The following PTGR1 variants were observed in gnomAD, a reference collection of about 807,000 sequenced individuals.
The protein encoded by PTGR1 is 15-oxoprostaglandin 13-reductase.
A neutral mutation model predicts 37.7 loss-of-function variants in PTGR1; 23 were observed. The ratio of observed to expected loss-of-function variants is 0.61; its 90% CI spans 0.44 to 0.86. The LOEUF is 0.86. PTGR1 is among the 40% of genes least tolerant of loss of function. PTGR1 has a pLI of 0.00. For synonymous variants in PTGR1, 134 were observed against 140.0 expected (o/e 0.96, Z 0.30); for missense variants, 351 against 394.3 (o/e 0.89, Z 0.93).
intron 2 of PTGR1, 126 bp from the exon 3 acceptor site, chr9:111,594,393 C>A: frequency 1.3e-6 from 1 of 772,748 alleles, no homozygotes; most frequent in South Asian, 1.5e-5. Context: ...CATGAGGTAC[C>A]ATGCTCACTG....
At chr9:111,561,113 A>AGAGAGAGAGAGC (rs1828292644), downstream of PTGR1, among the ~76,000 whole-genome samples, 1 of 46,402 alleles carries the variant, frequency 2.2e-5, no homozygotes, top group Non-Finnish European at 3.9e-5. Flanking sequence ...ATATATATAG[A>AGAGAGAGAGAGC]GAGAGAGAGA....
chr9:111,551,356 AATATACTTAAT>A (rs933937945), intron 9 of PTGR1, among the ~76,000 whole-genome samples: 6 of 151,376 alleles, frequency 4.0e-5, no homozygotes, highest in Non-Finnish European at 8.8e-5. Context: ...TGTTGTTCTA[AATATACTTAAT>A]TTTCCAATAA....
chr9:111,587,166 G>T (rs574805281), intron 4 of PTGR1, among the ~76,000 whole-genome samples: 1 of 151,956 alleles, frequency 6.6e-6, no homozygotes, highest in African/African-American at 2.4e-5. Flanking sequence ...TTCCCTCATT[G>T]GTTCCCAGGG....
At chr9:111,569,845 T>C (rs1378693275) in intron 9 of PTGR1, 1 of 528,744 alleles carries the variant, frequency 1.9e-6, no homozygotes, top group Admixed American at 3.3e-5. Flanking sequence ...AGGTATTTTG[T>C]TATAAAAGGG....
At position 111,554,839 on chromosome 9, in the gene PTGR1, A is replaced by T. The variant is rs192434913; in HGVS notation, c.880-5040T>A. On this transcript the variant is annotated intron_variant, in intron 9 of 9. Transcript: ENST00000538962. The stretch of plus-strand genomic sequence containing the variant: ...CCACTGTATTTTACCCAAGGGAGAC[A>T]ATCCAAAGTCTAATCTGCTCAGGGT... 2.0e-3 allele frequency among the ~76,000 whole-genome samples: 307 copies of T among 152,360 alleles called. 1 individual carries two copies. The highest frequency in any genetic ancestry group is 0.01 in the Middle Eastern group (3 of 294).
intron 9 of PTGR1, among the ~76,000 whole-genome samples, chr9:111,552,828 C>G (rs542300305): frequency 6.6e-6 from 1 of 152,188 alleles, no homozygotes; most frequent in East Asian, 1.9e-4. Flanking sequence ...AAAATATATT[C>G]TGTTCATGTA....
In PTGR1 at chr9:111,596,222, A is replaced by G. The variant is rs190661947; in HGVS notation, c.106+1095T>C. On this transcript the variant is annotated intron_variant, in intron 2 of 9. Coordinates refer to ENST00000407693, the MANE Select transcript of PTGR1 (RefSeq NM_001146108.2). ...TGCTTGTCTCCTTGCCACTTCTCCC[A>G]TCAAGAAATCTATTTTCTGCCTCTC... 3.3e-4 allele frequency among the ~76,000 whole-genome samples: 50 copies of G among 152,294 alleles called. 1 individual carries two copies. The highest frequency in any genetic ancestry group is 1.0e-3 in the African/African-American group (42 of 41,558).
At chr9:111,592,365 A>G (rs1298322949) in intron 4 of PTGR1, 1 of 152,682 alleles carries the variant, frequency 6.5e-6, no homozygotes, top group Non-Finnish European at 1.5e-5. Flanking sequence ...TGTATACTGT[A>G]CTTCTGCATA....
At chr9:111,554,084 C>G (rs1009882557) in intron 9 of PTGR1, among the ~76,000 whole-genome samples, 2 of 152,190 alleles carry the variant, frequency 1.3e-5, no homozygotes, top group African/African-American at 4.8e-5. Context: ...CCATTCCACT[C>G]TAGAGATCTC....
chr9:111,592,055 A>G (rs963428985), intron 4 of PTGR1, among the ~76,000 whole-genome samples: 2 of 152,190 alleles, frequency 1.3e-5, no homozygotes, highest in Admixed American at 6.5e-5. Context: ...GAGCCTATAA[A>G]TGGACGCATG....
intron 6 of PTGR1, among the ~76,000 whole-genome samples, chr9:111,580,158 T>C (rs1358542206): frequency 3.9e-5 from 6 of 152,228 alleles, no homozygotes; most frequent in African/African-American, 1.4e-4. Context: ...AATTAATCTA[T>C]TAATTCTATC....
intron 9 of PTGR1, among the ~76,000 whole-genome samples, chr9:111,556,000 C>T (rs1828111313): frequency 6.6e-6 from 1 of 152,228 alleles, no homozygotes; most frequent in African/African-American, 2.4e-5. Flanking sequence ...AGGCAAGTCC[C>T]TTCCACCTAT....
In PTGR1 at chr9:111,592,988, A is replaced by C. The variant is rs1259282981; in HGVS notation, c.153-6T>G. The C allele has an allele frequency of 1.1e-4, 14 of 126,834 alleles. No individual in the cohort carries two copies. Among genetic ancestry groups the C allele is most frequent in the Non-Finnish European group, 1.8e-4 (14 of 77,796 alleles). The allele number at this position is 126,834 out of a possible 1,614,324, so 7.9% of individuals were successfully genotyped here. A position where few individuals can be genotyped will look rare whatever the true frequency, so the allele number is the denominator to read the frequency against. ...TCAATCTTTTGGCTGCCACTCTGCA[A>C]AAAAAAAAAAAAAAAAAAAAAAAAA... is the stretch of plus-strand genomic sequence containing the variant. On this transcript the variant is annotated splice_polypyrimidine_tract_variant and splice_region_variant and intron_variant, in intron 3 of 9. Transcript: ENST00000407693.
At chr9:111,561,110 T>TATATATATATAGAGAG (rs1457364862), downstream of PTGR1, among the ~76,000 whole-genome samples, 3 of 19,198 alleles carry the variant, frequency 1.6e-4, no homozygotes, top group Non-Finnish European at 2.5e-4. Flanking sequence ...TATATATATA[T>TATATATATATAGAGAG]AGAGAGAGAG....
chr9:111,591,308 T>A lies in PTGR1; in HGVS notation c.209+1618A>T, dbSNP rs563404857. 7.4e-5 allele frequency among the ~76,000 whole-genome samples: 11 copies of A among 148,992 alleles called. No individual in the cohort carries two copies. In the South Asian group the frequency reaches 8.5e-4, roughly 12 times the overall value. On this transcript the variant is annotated intron_variant, in intron 4 of 9. Transcript: ENST00000407693. ...GTGAGACTCCGTCTCAAAAAAAAAA[T>A]AATAATAAAATAAAATGAAATTTAT...
At chr9:111,570,059 C>T (rs1828740214) in intron 9 of PTGR1, 32 bp downstream of exon 9, 2 of 1,613,022 alleles carry the variant, frequency 1.2e-6, no homozygotes, top group African/African-American at 2.7e-5. Context: ...ACCTAGTGTA[C>T]AATTGGAAGG....
downstream of PTGR1, among the ~76,000 whole-genome samples, chr9:111,557,607 T>C (rs1261433429): frequency 2.6e-5 from 4 of 151,830 alleles, no homozygotes; most frequent in African/African-American, 9.7e-5. Flanking sequence ...AATTTTTGTA[T>C]TTTAGTAGAG....
chr9:111,584,292 T>C (rs1026415885), intron 5 of PTGR1, among the ~76,000 whole-genome samples: 1 of 152,024 alleles, frequency 6.6e-6, no homozygotes, highest in African/African-American at 2.4e-5. Context: ...TCACCTCTTC[T>C]CCCCTACACC....
downstream of PTGR1, among the ~76,000 whole-genome samples, chr9:111,561,525 G>A (rs949462196): frequency 2.6e-5 from 4 of 152,196 alleles, no homozygotes; most frequent in African/African-American, 9.7e-5. Context: ...GCCTCCCAAA[G>A]AGCTGGGATT....
Sources: gnomAD v4.1 joint callset for allele counts (sites outside exome capture counted in the v4.1 genomes callset) on GRCh38, gnomAD v4.1.1 for gene constraint, MANE v1.5 for transcripts, NCBI Gene and HGNC (gene_info 2026-07-23, HGNC 2026-07-21) for gene names.